ST18: variants seen among roughly 807,000 people sequenced by gnomAD.
ST18 encodes suppression of tumorigenicity 18 protein.
In ST18, 50 loss-of-function variants were observed where a neutral mutation model predicts 110.0. The observed-to-expected ratio is 0.45, with a 90% CI of 0.36 to 0.58. ST18 has a LOEUF of 0.58. Among genes scored for constraint, ST18 ranks in the 20% least tolerant of loss-of-function variants. ST18 has a pLI of 0.00. For missense variants in ST18, 1,306 were observed against 1,280.1 expected (o/e 1.02, Z -0.31); for synonymous variants, 461 against 452.4 (o/e 1.02, Z -0.24).
intron 2 of ST18, among the ~76,000 whole-genome samples, chr8:52,268,313 A>C (rs1431120611): frequency 2.0e-5 from 3 of 152,186 alleles, no homozygotes; most frequent in African/African-American, 7.2e-5. Flanking sequence ...CTCCTGACTC[A>C]ACGGGTTTTA....
At chr8:52,237,303 A>G (rs1425462268) in intron 2 of ST18, among the ~76,000 whole-genome samples, 1 of 152,222 alleles carries the variant, frequency 6.6e-6, no homozygotes, top group African/African-American at 2.4e-5. Flanking sequence ...TCAAGAGAAC[A>G]TGGAGTTAGT....
intron 2 of ST18, among the ~76,000 whole-genome samples, chr8:52,330,460 A>G (rs978838612): frequency 6.6e-6 from 1 of 152,262 alleles, no homozygotes; most frequent in Non-Finnish European, 1.5e-5. Context: ...GAACTCCGAT[A>G]GCAAATGTCC....
chr8:52,191,980 AGAG>A (rs2134907629), intron 8 of ST18, among the ~76,000 whole-genome samples: 1 of 152,300 alleles, frequency 6.6e-6, no homozygotes, highest in South Asian at 2.1e-4. Context: ...GGCATTTACC[AGAG>A]GAGGCATTAA....
intron 2 of ST18, among the ~76,000 whole-genome samples, chr8:52,355,396 C>A (rs1822246394): frequency 6.6e-6 from 1 of 152,120 alleles, no homozygotes; most frequent in African/African-American, 2.4e-5. Context: ...CCTAGCATAG[C>A]CAAAATGTAG....
intron 22 of ST18, among the ~76,000 whole-genome samples, chr8:52,131,301 C>G (rs915342743): frequency 6.6e-6 from 1 of 152,196 alleles, no homozygotes; most frequent in East Asian, 1.9e-4. Flanking sequence ...TGTAGGGAAG[C>G]TTCTAATCTT....
intron 2 of ST18, among the ~76,000 whole-genome samples, chr8:52,303,874 T>C (rs1313480910): frequency 6.6e-6 from 1 of 152,230 alleles, no homozygotes; most frequent in East Asian, 1.9e-4. Context: ...TTGGTACAAT[T>C]GGCAGGACTT....
At chr8:52,361,224 A>G (rs564556885) in intron 2 of ST18, among the ~76,000 whole-genome samples, 3 of 152,326 alleles carry the variant, frequency 2.0e-5, no homozygotes, top group Admixed American at 6.5e-5. Context: ...ATGTTCTTGA[A>G]ATTTATCTAC....
Position 52,299,857 on chromosome 8 carries a change from C to T in ST18, c.-464-69780G>A, listed in dbSNP as rs527512468. ...TTCTGCCACAGAGCTCAGTTCAAGT[C>T]GTGCTATTTTAAGGTGTGTTACCTC... On this transcript the variant is annotated intron_variant, in intron 2 of 25. Transcript: ENST00000689386. 3.5e-4 allele frequency among the ~76,000 whole-genome samples: 53 copies of T among 152,332 alleles called. 1 individual carries two copies. Among genetic ancestry groups the T allele is most frequent in the Admixed American group, 5.9e-4 (9 of 15,306 alleles).
intron 2 of ST18, among the ~76,000 whole-genome samples, chr8:52,249,129 G>A (rs556661266): frequency 1.3e-5 from 2 of 152,226 alleles, no homozygotes; most frequent in African/African-American, 2.4e-5. Context: ...AAGTTCACTC[G>A]CATTTTGGGG....
At chr8:52,150,101 A>G in intron 15 of ST18, 124 bp from the exon 16 acceptor site, 2 of 1,340,666 alleles carry the variant, frequency 1.5e-6, no homozygotes. Context: ...TTTTAAATCT[A>G]GCTTTCTGAT....
intron 15 of ST18, among the ~76,000 whole-genome samples, chr8:52,155,373 A>T (rs1201484414): frequency 6.6e-6 from 1 of 152,174 alleles, no homozygotes; most frequent in East Asian, 1.9e-4. Context: ...CAAATATGTT[A>T]TATATATGTT....
intron 2 of ST18, among the ~76,000 whole-genome samples, chr8:52,305,725 C>T (rs1355533038): frequency 2.6e-5 from 4 of 152,170 alleles, no homozygotes; most frequent in Admixed American, 2.6e-4. Flanking sequence ...CCTCTGGGCT[C>T]TTCCTTCACA....
At chr8:52,156,811 C>T (rs943517196) in intron 15 of ST18, among the ~76,000 whole-genome samples, 2 of 152,170 alleles carry the variant, frequency 1.3e-5, no homozygotes, top group Admixed American at 6.5e-5. Context: ...CAATCTAGGG[C>T]ACGATGTTTC....
At position 52,284,976 on chromosome 8, in the gene ST18, G is replaced by A. The variant is rs566758871; in HGVS notation, c.-464-54899C>T. Among the ~76,000 whole-genome samples, 23 of 152,252 alleles carry A rather than the reference G, an allele frequency of 1.5e-4. 1 individual carries two copies. In the South Asian group the frequency reaches 4.8e-3, roughly 32 times the overall value. On this transcript the variant is annotated intron_variant, in intron 2 of 25. Coordinates refer to ENST00000689386, the MANE Select transcript of ST18 (RefSeq NM_001352837.2). ...TTAAGACAAAAGACACAAGAAAGAG[G>A]GAGGAAATGTTGAACAACTATAAGG... is the stretch of plus-strand genomic sequence containing the variant.
chr8:52,282,810 G>A (rs1038576057), intron 2 of ST18, among the ~76,000 whole-genome samples: 2 of 152,168 alleles, frequency 1.3e-5, no homozygotes, highest in Non-Finnish European at 2.9e-5. Context: ...GAGGCCCCGA[G>A]AAAGTATGGT....
In ST18 at chr8:52,113,954, GTTTTTTTTTTTT is replaced by G. The variant is rs1158213340; in HGVS notation, c.3004-628_3004-617del. ...CAAAGTTTAAATTTATTCATACCGT[GTTTTTTTTTTTT>G]TTTTTTTTTTTTTTTTTTTTGGAGT... On this transcript the variant is annotated intron_variant, in intron 25 of 25. Coordinates refer to ENST00000689386, the MANE Select transcript of ST18 (RefSeq NM_001352837.2). Among the ~76,000 whole-genome samples, 25 of 45,446 alleles carry G rather than the reference GTTTTTTTTTTTT, an allele frequency of 5.5e-4. No individual in the cohort carries two copies. In the South Asian group the frequency reaches 0.011, roughly 20 times the overall value. 29.8% of individuals were successfully genotyped at this position (45,446 alleles called of 152,430 possible).
intron 8 of ST18, among the ~76,000 whole-genome samples, chr8:52,207,510 C>T (rs1252426474): frequency 6.6e-6 from 1 of 151,896 alleles, no homozygotes; most frequent in Non-Finnish European, 1.5e-5. Flanking sequence ...AATTAATTAA[C>T]TAAATTAAAT....
chr8:52,375,715 C>T (rs1170682140), intron 2 of ST18, among the ~76,000 whole-genome samples: 2 of 152,128 alleles, frequency 1.3e-5, no homozygotes, highest in Non-Finnish European at 2.9e-5. Context: ...GCTTCTGCAG[C>T]CAAGACCTTT....
chr8:52,295,810 T>C (rs1282905602), intron 2 of ST18, among the ~76,000 whole-genome samples: 1 of 150,736 alleles, frequency 6.6e-6, no homozygotes, highest in Non-Finnish European at 1.5e-5. Context: ...GCAGCGCCAG[T>C]TCTGCCTGCC....
Sources: allele counts gnomAD v4.1 joint callset (sites outside exome capture counted in the v4.1 genomes callset), GRCh38; gene constraint gnomAD v4.1.1; transcripts MANE v1.5; gene names NCBI Gene and HGNC (gene_info 2026-07-23, HGNC 2026-07-21).